The following SLC26A5 variants were observed in gnomAD, a reference collection of about 807,000 sequenced individuals.
SLC26A5 encodes solute carrier family 26 member 5.
Under a neutral mutation model 81.0 loss-of-function variants are expected in SLC26A5, and 51 were observed. That is an observed-to-expected ratio of 0.63 (90% CI 0.50 to 0.80). The LOEUF is 0.80. SLC26A5 is among the 30% of genes least tolerant of loss of function. The pLI is 0.00. For synonymous variants in SLC26A5, 325 were observed against 332.8 expected, an observed-to-expected ratio of 0.98 and a Z score of 0.25; for missense variants, 771 against 905.8, an observed-to-expected ratio of 0.85 and a Z score of 1.91.
chr7:103,381,514 A>G (rs1222929349), intron 14 of SLC26A5, among the ~76,000 whole-genome samples: 3 of 151,072 alleles, frequency 2.0e-5, no homozygotes, highest in Non-Finnish European at 4.4e-5. Context: ...CATGCCACAC[A>G]CAATACCATA....
At chr7:103,417,278 G>A (rs945377886) in intron 4 of SLC26A5, among the ~76,000 whole-genome samples, 9 of 150,498 alleles carry the variant, frequency 6.0e-5, no homozygotes, top group Non-Finnish European at 1.2e-4. Context: ...GCTGAGGCAG[G>A]AGAATTGCTT....
intron 16 of SLC26A5, 31 bp downstream of exon 16, chr7:103,379,212 C>T: frequency 6.7e-7 from 1 of 1,493,102 alleles, no homozygotes; most frequent in Non-Finnish European, 9.3e-7. Flanking sequence ...CAAATCCCAT[C>T]CTCAGAAATA....
At chr7:103,406,717 G>A (rs1382113670) in intron 8 of SLC26A5, among the ~76,000 whole-genome samples, 3 of 152,144 alleles carry the variant, frequency 2.0e-5, no homozygotes, top group East Asian at 3.9e-4. Context: ...GTGCAGAGGT[G>A]TGATCTTGGC....
intron 2 of SLC26A5, among the ~76,000 whole-genome samples, chr7:103,431,813 C>A (rs117933133): frequency 0.015 from 2,348 of 152,128 alleles, 26 homozygotes; most frequent in South Asian, 0.029. Context: ...GGATACACTT[C>A]CCAATCTTTC....
chr7:103,382,402 T>G (rs1240119422), intron 14 of SLC26A5, among the ~76,000 whole-genome samples: 1 of 142,098 alleles, frequency 7.0e-6, no homozygotes, highest in East Asian at 2.0e-4. Flanking sequence ...CAGGCTGGAG[T>G]GCAATGGTGC....
intron 3 of SLC26A5, 144 bp downstream of exon 3, chr7:103,421,219 C>A: frequency 1.1e-6 from 1 of 891,500 alleles, no homozygotes; most frequent in Non-Finnish European, 1.8e-6. Context: ...GCTGACTGAA[C>A]CTCGTGAACA....
Position 103,377,679 on chromosome 7 carries a change from C to T in SLC26A5, c.1906G>A (p.Gly636Arg), listed in dbSNP as rs768221382. ...AAAATGACAGTGTGGACGTTATCCC[C>T]TGGGGGCATAAATCTTTGCATTTCC... ...PEEMQRFMPPGDNVHTVILDF... is the reference protein window; with the variant it reads ...PEEMQRFMPPRDNVHTVILDF... Residue 636 changes from glycine (G) to arginine (R), a missense_variant, in exon 18 of 20, where the codon GGG becomes AGG. Coordinates refer to ENST00000306312, the MANE Select transcript of SLC26A5 (RefSeq NM_198999.3). 2 of 1,613,946 alleles carry T rather than the reference C, an allele frequency of 1.2e-6. No individual in the cohort carries two copies. The highest frequency in any genetic ancestry group is 1.7e-6 in the Non-Finnish European group (2 of 1,179,998).
At position 103,379,242 on chromosome 7, in the gene SLC26A5, C is replaced by A. The variant is rs932092919; in HGVS notation, c.1677+1G>T. The A allele has an allele frequency of 6.2e-7, 1 of 1,601,056 alleles. No individual in the cohort carries two copies. Among genetic ancestry groups the A allele is most frequent in the Non-Finnish European group, 8.6e-7 (1 of 1,168,380 alleles). On this transcript the variant is annotated splice_donor_variant, in intron 16 of 19. Coordinates refer to ENST00000306312, the MANE Select transcript of SLC26A5 (RefSeq NM_198999.3). LOFTEE classifies it high-confidence loss of function. ...GAAATAATCAATTTCTCATGACTCACCTTTCGTTTTAATGCATTGCTATAC... is the reference window on the plus strand; with the variant it reads ...GAAATAATCAATTTCTCATGACTCAACTTTCGTTTTAATGCATTGCTATAC...
intron 4 of SLC26A5, 140 bp from the exon 5 acceptor site, chr7:103,413,252 C>T (rs192673549): frequency 1.5e-6 from 1 of 688,750 alleles, no homozygotes; most frequent in Admixed American, 2.0e-5. Flanking sequence ...TACCCCAGTC[C>T]TGCACATCAT....
intron 4 of SLC26A5, among the ~76,000 whole-genome samples, chr7:103,420,438 G>T (rs936567803): frequency 2.6e-5 from 4 of 151,818 alleles, no homozygotes; most frequent in African/African-American, 9.7e-5. Flanking sequence ...TGAGACTACA[G>T]GCATGCCCAG....
chr7:103,355,023 T>C, intron 19 of SLC26A5: 1 of 949,532 alleles, frequency 1.1e-6, no homozygotes, highest in East Asian at 2.6e-5. Flanking sequence ...TAAATACAGA[T>C]TTTACTCCTT....
chr7:103,443,609 CAAGAT>C (rs1013048877), intron 1 of SLC26A5, among the ~76,000 whole-genome samples: 1 of 152,150 alleles, frequency 6.6e-6, no homozygotes, highest in African/African-American at 2.4e-5. Context: ...TCATAATGTT[CAAGAT>C]AAGAGTTGAT....
chr7:103,385,652 T>A (rs1045873853), intron 14 of SLC26A5, among the ~76,000 whole-genome samples: 1 of 151,912 alleles, frequency 6.6e-6, no homozygotes, highest in Non-Finnish European at 1.5e-5. Flanking sequence ...CAGTTAACTA[T>A]TATTTGAGGA....
chr7:103,378,145 A>G (rs1018990810), intron 17 of SLC26A5, among the ~76,000 whole-genome samples: 4 of 152,256 alleles, frequency 2.6e-5, no homozygotes, highest in Non-Finnish European at 5.9e-5. Context: ...GAACAGCAAA[A>G]GCCACCTTTG....
At chr7:103,420,717 A>C (rs572986263) in intron 4 of SLC26A5, 21 bp downstream of exon 4, 2 of 1,613,220 alleles carry the variant, frequency 1.2e-6, no homozygotes, top group Non-Finnish European at 1.7e-6. Flanking sequence ...CAAGGGGGGA[A>C]AGAAAGAAAG....
intron 14 of SLC26A5, among the ~76,000 whole-genome samples, chr7:103,385,178 T>C (rs1173631635): frequency 2.6e-5 from 4 of 152,102 alleles, no homozygotes; most frequent in African/African-American, 9.7e-5. Context: ...GTTGTTGTTG[T>C]TGAGACAGAG....
At chr7:103,361,874 A>C (rs1382852651) in intron 19 of SLC26A5, 1 of 1,372,290 alleles carries the variant, frequency 7.3e-7, no homozygotes, top group African/African-American at 1.5e-5. Context: ...TGTATATTGC[A>C]CACTCAGGAT....
intron 8 of SLC26A5, among the ~76,000 whole-genome samples, chr7:103,402,276 G>A (rs1329694865): frequency 6.6e-6 from 1 of 151,836 alleles, no homozygotes; most frequent in Non-Finnish European, 1.5e-5. Flanking sequence ...AGTTCCCCCT[G>A]GTTTAGTCTT....
intron 2 of SLC26A5, among the ~76,000 whole-genome samples, chr7:103,429,571 G>GT (rs1825922798): frequency 1.3e-5 from 2 of 152,152 alleles, no homozygotes; most frequent in South Asian, 4.1e-4. Flanking sequence ...TTGAAAAGCT[G>GT]TTTTCTATTC....
Sources: allele counts gnomAD v4.1 joint callset (sites outside exome capture counted in the v4.1 genomes callset), GRCh38; gene constraint gnomAD v4.1.1; transcripts MANE v1.5; gene names NCBI Gene and HGNC (gene_info 2026-07-23, HGNC 2026-07-21).